The following RNF220 variants were observed in gnomAD, a reference collection of about 807,000 sequenced individuals.
RNF220 encodes the protein E3 ubiquitin-protein ligase RNF220.
In RNF220, 7 loss-of-function variants were observed where a neutral mutation model predicts 67.1. That is an observed-to-expected ratio of 0.10 (90% CI 0.06 to 0.20). The LOEUF (loss-of-function observed/expected upper bound fraction) is 0.20, where lower values mean the gene tolerates loss of function less well. RNF220 is among the 10% of genes least tolerant of loss of function. The probability of loss-of-function intolerance (pLI) is 1.00; values close to 1 mark genes in which losing one functional copy is unlikely to be tolerated. For synonymous variants in RNF220, 270 were observed against 283.2 expected, an observed-to-expected ratio of 0.95 and a Z score of 0.47; for missense variants, 565 against 740.3, an observed-to-expected ratio of 0.76 and a Z score of 2.75.
At chr1:44,556,932 T>G (rs1179738631) in intron 2 of RNF220, among the ~76,000 whole-genome samples, 1 of 151,774 alleles carries the variant, frequency 6.6e-6, no homozygotes, top group African/African-American at 2.4e-5. Flanking sequence ...CCCATGGTGC[T>G]CACTATATCA....
At chr1:44,426,540 A>G (rs1649792455) in intron 2 of RNF220, among the ~76,000 whole-genome samples, 1 of 152,148 alleles carries the variant, frequency 6.6e-6, no homozygotes, top group African/African-American at 2.4e-5. Flanking sequence ...CAGCCTGGAC[A>G]ACATGGCAAA....
chr1:44,463,335 CAA>C (rs1223749063), intron 2 of RNF220, among the ~76,000 whole-genome samples: 29 of 91,034 alleles, frequency 3.2e-4, no homozygotes, highest in Admixed American at 3.5e-4. Flanking sequence ...AACTCTGTCT[CAA>C]AAAAAAAAAA....
intron 2 of RNF220, among the ~76,000 whole-genome samples, chr1:44,511,269 G>A (rs1658969338): frequency 2.0e-5 from 3 of 152,212 alleles, no homozygotes; most frequent in Admixed American, 2.0e-4. Flanking sequence ...ATTGGCTACA[G>A]GAGCCACCAG....
chr1:44,461,920 C>CT (rs1445179984), intron 2 of RNF220, among the ~76,000 whole-genome samples: 2 of 118,144 alleles, frequency 1.7e-5, no homozygotes, highest in African/African-American at 3.4e-5. Context: ...TTTCTTTTTT[C>CT]TTTGTTTTTT....
At chr1:44,531,851 T>G (rs1660859176) in intron 2 of RNF220, among the ~76,000 whole-genome samples, 1 of 152,202 alleles carries the variant, frequency 6.6e-6, no homozygotes, top group African/African-American at 2.4e-5. Flanking sequence ...AGAAAATACT[T>G]TCTTAAAATG....
At chr1:44,552,243 G>A (rs1359189695) in intron 2 of RNF220, among the ~76,000 whole-genome samples, 1 of 152,160 alleles carries the variant, frequency 6.6e-6, no homozygotes, top group East Asian at 1.9e-4. Context: ...CTCCTGCTGG[G>A]TGTGGCGGCT....
intron 2 of RNF220, among the ~76,000 whole-genome samples, chr1:44,561,228 G>A (rs1310660800): frequency 6.6e-6 from 1 of 152,068 alleles, no homozygotes; most frequent in Non-Finnish European, 1.5e-5. Context: ...AAGAACCTAC[G>A]TGGCTGGGCG....
chr1:44,628,360 C>G (rs1017988434), intron 5 of RNF220, among the ~76,000 whole-genome samples: 1 of 152,240 alleles, frequency 6.6e-6, no homozygotes, highest in African/African-American at 2.4e-5. Context: ...TATGGACTCT[C>G]TTGCCTAAAA....
At chr1:44,477,838 TA>T (rs1433446287) in intron 2 of RNF220, among the ~76,000 whole-genome samples, 1 of 152,214 alleles carries the variant, frequency 6.6e-6, no homozygotes, top group Non-Finnish European at 1.5e-5. Flanking sequence ...AAGAAGCAGG[TA>T]AACTTCTCCA....
intron 2 of RNF220, among the ~76,000 whole-genome samples, chr1:44,498,588 T>C (rs1267195339): frequency 1.3e-5 from 2 of 152,170 alleles, no homozygotes; most frequent in Non-Finnish European, 2.9e-5. Flanking sequence ...CTGGTGATCC[T>C]AATGTTGTGC....
chr1:44,487,674 A>G (rs1324536030), intron 2 of RNF220, among the ~76,000 whole-genome samples: 2 of 93,696 alleles, frequency 2.1e-5, no homozygotes, highest in Non-Finnish European at 3.8e-5. Context: ...CTCTACTAAA[A>G]TAATAATAAT....
At chr1:44,470,255 G>A (rs1408642928) in intron 2 of RNF220, among the ~76,000 whole-genome samples, 1 of 152,214 alleles carries the variant, frequency 6.6e-6, no homozygotes, top group Non-Finnish European at 1.5e-5. Flanking sequence ...TGTCAATAAT[G>A]CTTCCTAAGA....
chr1:44,513,610 C>T (rs1030707361), intron 2 of RNF220, among the ~76,000 whole-genome samples: 3 of 152,134 alleles, frequency 2.0e-5, no homozygotes, highest in African/African-American at 7.2e-5. Context: ...AACCTAATGG[C>T]AGTAATTGGC....
intron 2 of RNF220, among the ~76,000 whole-genome samples, chr1:44,554,522 A>G (rs558804805): frequency 5.4e-4 from 82 of 152,142 alleles, no homozygotes; most frequent in African/African-American, 1.9e-3. Flanking sequence ...CTGGAGAAAA[A>G]AGCTCCAATG....
chr1:44,470,633 G>A (rs1295853738), intron 2 of RNF220, among the ~76,000 whole-genome samples: 2 of 152,054 alleles, frequency 1.3e-5, no homozygotes, highest in Non-Finnish European at 2.9e-5. Flanking sequence ...TTCTTGGCCT[G>A]TTAATTTCTA....
chr1:44,461,446 G>A (rs186712123), intron 2 of RNF220, among the ~76,000 whole-genome samples: 27 of 152,302 alleles, frequency 1.8e-4, no homozygotes, highest in African/African-American at 3.6e-4. Flanking sequence ...CTCCTGGAGC[G>A]GCGTTGGAGT....
intron 2 of RNF220, among the ~76,000 whole-genome samples, chr1:44,438,161 C>G (rs1352364145): frequency 6.6e-6 from 1 of 152,148 alleles, no homozygotes; most frequent in African/African-American, 2.4e-5. Context: ...TGCTCAGTCA[C>G]CCAGGCTGGA....
intron 2 of RNF220, among the ~76,000 whole-genome samples, chr1:44,470,948 C>T (rs928763584): frequency 8.5e-5 from 13 of 152,174 alleles, no homozygotes; most frequent in African/African-American, 3.1e-4. Context: ...CCATTCATTC[C>T]CAACCCACTG....
intron 2 of RNF220, among the ~76,000 whole-genome samples, chr1:44,572,005 C>T (rs1451380789): frequency 6.6e-6 from 1 of 152,248 alleles, no homozygotes; most frequent in Non-Finnish European, 1.5e-5. Flanking sequence ...GTCCAGGCCA[C>T]ATTGCCATCT....
Sources: gnomAD v4.1 joint callset for allele counts (sites outside exome capture counted in the v4.1 genomes callset) on GRCh38, gnomAD v4.1.1 for gene constraint, MANE v1.5 for transcripts, NCBI Gene and HGNC (gene_info 2026-07-23, HGNC 2026-07-21) for gene names.